Variants in TEX11 observed in about 807,000 individuals in gnomAD.
The protein encoded by TEX11 is testis-expressed protein 11.
TEX11 carries 7 observed loss-of-function variants against 84.4 expected under a neutral mutation model. That is an observed-to-expected ratio of 0.08 (90% CI 0.05 to 0.16). TEX11 has a LOEUF of 0.16. Ranked by LOEUF, TEX11 falls within the 10% of genes least tolerant of loss-of-function variation. The pLI, the probability that TEX11 is intolerant of heterozygous loss-of-function variation, is 1.00. For synonymous variants in TEX11, 264 were observed against 222.8 expected (o/e 1.18, Z -1.64); for missense variants, 551 against 660.5 (o/e 0.83, Z 1.82).
intron 17 of TEX11, among the ~76,000 whole-genome samples, chrX:70,641,533 G>C (rs993100057): frequency 1.8e-5 from 2 of 111,151 alleles, no homozygotes; most frequent in Admixed American, 9.6e-5. Flanking sequence ...GCTCTCCTCA[G>C]CAAATGTAAA....
chrX:70,511,424 A>G, the TEX11 span, among the ~76,000 whole-genome samples: 1 of 111,900 alleles, frequency 8.9e-6, no homozygotes, highest in African/African-American at 3.2e-5. Flanking sequence ...ACACAAACTG[A>G]TAAGTGCTGT....
intron 28 of TEX11, among the ~76,000 whole-genome samples, chrX:70,550,850 C>T (rs1457792486): frequency 9.0e-6 from 1 of 111,306 alleles, no homozygotes; most frequent in African/African-American, 3.3e-5. Context: ...GGAGGTTCCT[C>T]AAAATACGAA....
In TEX11 at chrX:70,542,029, AC is replaced by A. The variant is rs199695322; in HGVS notation, c.2520+10096del. 7.0e-3 allele frequency among the ~76,000 whole-genome samples: 779 copies of A among 111,135 alleles called. 8 individuals carry two copies. The highest frequency in any genetic ancestry group is 0.024 in the African/African-American group (740 of 30,552). ...TTTAAACTAAAATTTCCTAGCAAAA[AC>A]TGGTAAAGAAGCCACGCACCTCCAG... is the stretch of plus-strand genomic sequence containing the variant. On this transcript the variant is annotated intron_variant, in intron 28 of 29. Transcript: ENST00000374333.
At chrX:70,886,661 A>T (rs1329338778) in intron 2 of TEX11, among the ~76,000 whole-genome samples, 1 of 111,994 alleles carries the variant, frequency 8.9e-6, no homozygotes, top group Non-Finnish European at 1.9e-5. Flanking sequence ...CTAGTATGTT[A>T]AAGCTCAAAT....
At position 70,650,707 on chromosome X, in the gene TEX11, C is replaced by T. The variant is rs759507512; in HGVS notation, c.1483+743G>A. ...CGTAGTAGGTGTCCAAAAACAGTTG[C>T]TTAATTGGATTCGTATACATTTTGT... On this transcript the variant is annotated intron_variant, in intron 17 of 29. Coordinates refer to ENST00000374333, the MANE Select transcript of TEX11 (RefSeq NM_031276.3). Among the ~76,000 whole-genome samples the T allele has an allele frequency of 2.7e-5, 3 of 111,788 alleles. No homozygotes were observed. In the East Asian group the frequency reaches 8.4e-4, roughly 31 times the overall value.
Position 70,539,038 on chromosome X carries a change from A to ATATATTTT in TEX11, c.2521-9040_2521-9039insAAAATATA. On this transcript the variant is annotated intron_variant, in intron 28 of 29. Coordinates refer to ENST00000374333, the MANE Select transcript of TEX11 (RefSeq NM_031276.3). ...CTTGGAAATATATATATATATATATATTTTTTTTTTTTTTAAGATGGAGTC... is the reference window on the plus strand; with the variant it reads ...CTTGGAAATATATATATATATATATATATATTTTTTTTTTTTTTTTTTAAGATGGAGTC... Among the ~76,000 whole-genome samples, 143 of 41,239 alleles carry ATATATTTT rather than the reference A, an allele frequency of 3.5e-3. 2 individuals are homozygous for ATATATTTT. The highest frequency in any genetic ancestry group is 0.012 in the African/African-American group (132 of 10,882). 35.8% of individuals were successfully genotyped at this position (41,239 alleles called of 115,157 possible).
intron 13 of TEX11, among the ~76,000 whole-genome samples, chrX:70,716,979 A>G (rs1294937596): frequency 8.9e-6 from 1 of 112,406 alleles, no homozygotes; most frequent in Non-Finnish European, 1.9e-5. Context: ...TCAGAGAGTA[A>G]ATAGATATAA....
Position 70,861,615 on chromosome X carries a change from C to T in TEX11, c.245-679G>A, listed in dbSNP as rs148897937. Among the ~76,000 whole-genome samples, 61 of 109,541 alleles carry T rather than the reference C, an allele frequency of 5.6e-4. No individual in the cohort carries two copies. In the East Asian group the frequency reaches 0.013, roughly 23 times the overall value. ...CCGAGTAGCTGGGATTACAGGCATG[C>T]GCCACCACGCCCAGCTAATTTTTGT... On this transcript the variant is annotated intron_variant, in intron 4 of 29. Coordinates refer to ENST00000374333, the MANE Select transcript of TEX11 (RefSeq NM_031276.3).
chrX:70,538,342 G>A (rs2087989085), intron 28 of TEX11, among the ~76,000 whole-genome samples: 1 of 111,157 alleles, frequency 9.0e-6, no homozygotes, highest in African/African-American at 3.3e-5. Flanking sequence ...GGGATGAACA[G>A]GAAAAAATGG....
downstream of TEX11, among the ~76,000 whole-genome samples, chrX:70,525,113 T>G (rs1465114286): frequency 1.8e-5 from 2 of 110,978 alleles, no homozygotes; most frequent in Non-Finnish European, 3.8e-5. Flanking sequence ...CCTGGGAGTT[T>G]GAAGCTGCAG....
chrX:70,617,967 A>G (rs2089338422), intron 20 of TEX11, among the ~76,000 whole-genome samples: 1 of 112,298 alleles, frequency 8.9e-6, no homozygotes, highest in Non-Finnish European at 1.9e-5. Context: ...TGATTGACAA[A>G]GAGCTGCTTA....
At chrX:70,733,642 A>C (rs1327146782) in intron 11 of TEX11, among the ~76,000 whole-genome samples, 1 of 111,980 alleles carries the variant, frequency 8.9e-6, no homozygotes, top group African/African-American at 3.2e-5. Flanking sequence ...ATCATTAAAA[A>C]GTCAGGAAAC....
At chrX:70,766,883 T>C in intron 9 of TEX11, among the ~76,000 whole-genome samples, 1 of 110,618 alleles carries the variant, frequency 9.0e-6, no homozygotes, top group East Asian at 2.8e-4. Context: ...AAAGAAAGAG[T>C]CTTGAAGAAA....
At chrX:70,806,029 A>G (rs928769770) in intron 9 of TEX11, among the ~76,000 whole-genome samples, 1 of 111,960 alleles carries the variant, frequency 8.9e-6, no homozygotes, top group East Asian at 2.8e-4. Context: ...ACTACTCCCA[A>G]TCACACCTCC....
intron 28 of TEX11, among the ~76,000 whole-genome samples, chrX:70,542,778 C>T (rs1189561568): frequency 8.9e-6 from 1 of 112,114 alleles, no homozygotes; most frequent in Non-Finnish European, 1.9e-5. Context: ...GTCAGTCAAA[C>T]AAAGGCAGAA....
the TEX11 span, among the ~76,000 whole-genome samples, chrX:70,520,985 C>A: frequency 1.8e-5 from 2 of 112,177 alleles, no homozygotes; most frequent in South Asian, 7.4e-4. Flanking sequence ...TTGCTAAGAC[C>A]GTTGGAAAAG....
At chrX:70,889,181 C>T (rs745511000) in intron 2 of TEX11, among the ~76,000 whole-genome samples, 5 of 110,606 alleles carry the variant, frequency 4.5e-5, no homozygotes, top group Non-Finnish European at 7.6e-5. Context: ...TTTGGGAGGC[C>T]GAGGTGGGTG....
At chrX:70,892,145 CA>C (rs2147881417) in intron 2 of TEX11, among the ~76,000 whole-genome samples, 1 of 109,885 alleles carries the variant, frequency 9.1e-6, no homozygotes, top group East Asian at 2.8e-4. Flanking sequence ...GCTTCATAAG[CA>C]AAAATAAATA....
At chrX:70,699,778 T>C (rs1262088898) in intron 13 of TEX11, among the ~76,000 whole-genome samples, 1 of 111,539 alleles carries the variant, frequency 9.0e-6, no homozygotes, top group Middle Eastern at 4.2e-3. Flanking sequence ...TAATAGATTG[T>C]TGCTTGAGAT....
Sources: allele counts gnomAD v4.1 joint callset (sites outside exome capture counted in the v4.1 genomes callset), GRCh38; gene constraint gnomAD v4.1.1; transcripts MANE v1.5; gene names NCBI Gene and HGNC (gene_info 2026-07-23, HGNC 2026-07-21).